Variants in ARMC8 observed in about 807,000 individuals in gnomAD.
The protein encoded by ARMC8 is armadillo repeat-containing protein 8.
A neutral mutation model predicts 99.3 loss-of-function variants in ARMC8; 20 were observed. That is an observed-to-expected ratio of 0.20 (90% CI 0.14 to 0.29). The LOEUF is 0.29. Ranked by LOEUF, ARMC8 falls within the 10% of genes least tolerant of loss-of-function variation. ARMC8 has a pLI of 1.00. For synonymous variants in ARMC8, 263 were observed against 278.3 expected (o/e 0.95, Z 0.55); for missense variants, 569 against 809.5 (o/e 0.70, Z 3.60).
At chr3:138,218,904 C>A (rs142856597) in intron 2 of ARMC8, among the ~76,000 whole-genome samples, 1 of 152,240 alleles carries the variant, frequency 6.6e-6, no homozygotes, top group East Asian at 1.9e-4. Flanking sequence ...AAGTTAGAAA[C>A]ACTTTTATTT....
chr3:138,293,592 G>A (rs1301419636), intron 21 of ARMC8, among the ~76,000 whole-genome samples: 1 of 152,032 alleles, frequency 6.6e-6, no homozygotes, highest in African/African-American at 2.4e-5. Context: ...AAGGCTGCTG[G>A]TCAGATGAGT....
Position 138,263,827 on chromosome 3 carries a change from A to G in ARMC8, c.1217+6A>G, listed in dbSNP as rs187369258. The stretch of plus-strand genomic sequence containing the variant: ...GTGCGGTTAGCTGCCGTCAGGTATG[A>G]GCTTTAAATGGTCTGAATAAAAACC... On this transcript the variant is annotated splice_donor_region_variant and intron_variant, in intron 13 of 21. Transcript: ENST00000469044. 292 of 1,613,032 alleles carry G rather than the reference A, an allele frequency of 1.8e-4. 1 individual carries two copies. The East Asian group carries it at 5.9e-3, about 32-fold the overall frequency.
At chr3:138,190,636 T>C in intron 1 of ARMC8, among the ~76,000 whole-genome samples, 1 of 152,224 alleles carries the variant, frequency 6.6e-6, no homozygotes, top group Middle Eastern at 3.2e-3. Context: ...ATAAACCGGC[T>C]TTCTCAGGTT....
intron 21 of ARMC8, among the ~76,000 whole-genome samples, chr3:138,291,919 G>T (rs1479498201): frequency 2.0e-5 from 3 of 152,208 alleles, no homozygotes; most frequent in African/African-American, 7.2e-5. Flanking sequence ...AGCCTTGTAG[G>T]TAAGGTAAGG....
chr3:138,294,651 C>T (rs79881321), intron 21 of ARMC8, among the ~76,000 whole-genome samples: 2,626 of 152,232 alleles, frequency 0.017, 75 homozygotes, highest in African/African-American at 0.057. Context: ...TTAGTTTGAT[C>T]AGCTATTGTA....
intron 11 of ARMC8, among the ~76,000 whole-genome samples, chr3:138,244,816 A>G (rs1355527130): frequency 1.3e-5 from 2 of 152,218 alleles, no homozygotes; most frequent in African/African-American, 4.8e-5. Context: ...GGAGTCAGAG[A>G]TTCACAATGG....
intron 12 of ARMC8, chr3:138,245,505 C>T: frequency 8.1e-7 from 1 of 1,230,422 alleles, no homozygotes; most frequent in South Asian, 2.9e-5. Flanking sequence ...AAGCTTCAGA[C>T]ACCTTGAAAG....
chr3:138,288,030 T>C (rs182159440), intron 19 of ARMC8: 11 of 161,124 alleles, frequency 6.8e-5, no homozygotes, highest in Non-Finnish European at 1.2e-4. Flanking sequence ...GGCTCATTAG[T>C]GATAGTAAAG....
rs2051534502 is a variant in ARMC8, at chr3:138,296,861, C to G, written c.*969C>G. ...CAAGAGCCTCCCAATTGCCCTAACT[C>G]CTGTCATTGGTATTAGCAATATCTG... is the stretch of plus-strand genomic sequence containing the variant. On this transcript the variant is annotated 3_prime_UTR_variant, in exon 22 of 22. Coordinates refer to ENST00000469044, the MANE Select transcript of ARMC8 (RefSeq NM_001363941.2). The G allele has an allele frequency of 6.6e-6, 1 of 152,174 alleles. No individual in the cohort carries two copies. The highest frequency in any genetic ancestry group is 1.5e-5 in the Non-Finnish European group (1 of 68,032). The allele number at this position is 152,174 out of a possible 1,614,324, so 9.4% of individuals were successfully genotyped here.
chr3:138,198,497 TTATTA>T (rs2043865275), intron 1 of ARMC8, among the ~76,000 whole-genome samples: 2 of 25,834 alleles, frequency 7.7e-5, no homozygotes, highest in Non-Finnish European at 1.4e-4. Context: ...ATATTCTTTA[TTATTA>T]TTATTATTAT....
At position 138,296,500 on chromosome 3, in the gene ARMC8, T is replaced by C. The variant is rs1380112273; in HGVS notation, c.*608T>C. ...GATGAATATTTGTAAGTAAAAAATA[T>C]ATGCATTTCTGAACCTCAACTTACA... On this transcript the variant is annotated 3_prime_UTR_variant, in exon 22 of 22. Coordinates refer to ENST00000469044, the MANE Select transcript of ARMC8 (RefSeq NM_001363941.2). 6.6e-6 allele frequency: 1 copy of C among 151,882 alleles called. No individual in the cohort carries two copies. Among genetic ancestry groups the C allele is most frequent in the African/African-American group, 2.4e-5 (1 of 41,318 alleles). The allele number at this position is 151,882 out of a possible 1,614,324, so 9.4% of individuals were successfully genotyped here.
At chr3:138,210,641 A>G (rs1461949926) in intron 2 of ARMC8, among the ~76,000 whole-genome samples, 1 of 152,150 alleles carries the variant, frequency 6.6e-6, no homozygotes, top group Non-Finnish European at 1.5e-5. Context: ...AAAAAGGGTC[A>G]AGATACATTT....
chr3:138,219,320 C>A (rs2045263627), intron 2 of ARMC8, among the ~76,000 whole-genome samples: 1 of 152,204 alleles, frequency 6.6e-6, no homozygotes, highest in South Asian at 2.1e-4. Context: ...GATCTACTGA[C>A]AGTAACTGCT....
At chr3:138,291,533 C>T (rs2050952817) in intron 21 of ARMC8, among the ~76,000 whole-genome samples, 1 of 152,104 alleles carries the variant, frequency 6.6e-6, no homozygotes, top group Non-Finnish European at 1.5e-5. Flanking sequence ...AAGTCTTTGC[C>T]CTCGTGTAAC....
intron 1 of ARMC8, among the ~76,000 whole-genome samples, chr3:138,206,956 C>T (rs1367522985): frequency 6.6e-6 from 1 of 152,248 alleles, no homozygotes; most frequent in Non-Finnish European, 1.5e-5. Context: ...TGGCATCTAG[C>T]ATGTAACTTT....
chr3:138,275,449 C>T (rs1222156574), intron 18 of ARMC8, among the ~76,000 whole-genome samples: 3 of 152,110 alleles, frequency 2.0e-5, no homozygotes, highest in African/African-American at 4.8e-5. Context: ...GTCCCAACTA[C>T]TGGGGAGGCT....
At chr3:138,199,053 A>G (rs2107979865) in intron 1 of ARMC8, among the ~76,000 whole-genome samples, 1 of 152,268 alleles carries the variant, frequency 6.6e-6, no homozygotes, top group East Asian at 1.9e-4. Context: ...GTTACATTCT[A>G]CACTGTTGAG....
chr3:138,198,523 ATTT>A (rs1553749141), intron 1 of ARMC8, among the ~76,000 whole-genome samples: 1 of 124,232 alleles, frequency 8.0e-6, no homozygotes, highest in African/African-American at 3.0e-5. Context: ...TATTATTATT[ATTT>A]TTTGAGACAG....
chr3:138,214,909 T>G (rs1362005098), intron 2 of ARMC8, among the ~76,000 whole-genome samples: 1 of 152,198 alleles, frequency 6.6e-6, no homozygotes, highest in African/African-American at 2.4e-5. Flanking sequence ...TCCTCCCACC[T>G]TGGCCTCTCA....
Sources: gnomAD v4.1 joint callset for allele counts (sites outside exome capture counted in the v4.1 genomes callset) on GRCh38, gnomAD v4.1.1 for gene constraint, MANE v1.5 for transcripts, NCBI Gene and HGNC (gene_info 2026-07-23, HGNC 2026-07-21) for gene names.